The following NAALADL2 variants were observed in gnomAD, a reference collection of about 807,000 sequenced individuals.
NAALADL2 encodes inactive N-acetylated-alpha-linked acidic dipeptidase-like protein 2.
A neutral mutation model predicts 87.2 loss-of-function variants in NAALADL2; 76 were observed. The ratio of observed to expected loss-of-function variants is 0.87; its 90% CI spans 0.72 to 1.05. The LOEUF is 1.05. NAALADL2 is among the 50% of genes least tolerant of loss of function. NAALADL2 has a pLI of 0.00. For missense variants in NAALADL2, 1,089 were observed against 945.8 expected, an observed-to-expected ratio of 1.15 and a Z score of -1.99; for synonymous variants, 354 against 331.0, an observed-to-expected ratio of 1.07 and a Z score of -0.75.
intron 4 of NAALADL2, among the ~76,000 whole-genome samples, chr3:175,294,000 C>T (rs1242996657): frequency 6.6e-6 from 1 of 152,108 alleles, no homozygotes; most frequent in Non-Finnish European, 1.5e-5. Context: ...CACACAGTGC[C>T]AAGCACAGTG....
intron 11 of NAALADL2, among the ~76,000 whole-genome samples, chr3:175,726,058 C>G (rs1472353241): frequency 1.3e-5 from 2 of 151,980 alleles, no homozygotes; most frequent in Non-Finnish European, 2.9e-5. Context: ...TGTGGTCCCT[C>G]TCTAGAAACA....
intron 11 of NAALADL2, among the ~76,000 whole-genome samples, chr3:175,700,036 A>G (rs1435302817): frequency 1.3e-5 from 2 of 152,112 alleles, no homozygotes; most frequent in Non-Finnish European, 2.9e-5. Context: ...AACTTGTCAT[A>G]TTAATTTTCT....
upstream of NAALADL2, among the ~76,000 whole-genome samples, chr3:174,855,474 C>G (rs1697199846): frequency 6.6e-6 from 1 of 152,034 alleles, no homozygotes; most frequent in South Asian, 2.1e-4. Flanking sequence ...TTTCTTATAT[C>G]CTTCTAACTC....
At chr3:174,606,544 G>A (rs1693372321) in intron 2 of NAALADL2, among the ~76,000 whole-genome samples, 1 of 152,342 alleles carries the variant, frequency 6.6e-6, no homozygotes, top group African/African-American at 2.4e-5. Context: ...AGGAGTCGAT[G>A]TGATCAACTG....
Position 175,276,141 on chromosome 3 carries a change from T to TAA in NAALADL2, c.939+19620_939+19621dup, listed in dbSNP as rs11388464. Among the ~76,000 whole-genome samples, 55 of 149,552 alleles carry TAA rather than the reference T, an allele frequency of 3.7e-4. 1 individual carries two copies. The highest frequency in any genetic ancestry group is 2.3e-3 in the South Asian group (11 of 4,764). On this transcript the variant is annotated intron_variant, in intron 4 of 13. Transcript: ENST00000454872. ...AAGTATACATAAGAACATCATGAAGTAAAAAAAAAATTATGATAAAGTACT... is the reference window on the plus strand; with the variant it reads ...AAGTATACATAAGAACATCATGAAGTAAAAAAAAAAAATTATGATAAAGTACT...
chr3:175,047,381 A>T lies in NAALADL2; in HGVS notation c.44-49409A>T, dbSNP rs567717058. On this transcript the variant is annotated intron_variant, in intron 1 of 13. Coordinates refer to ENST00000454872, the MANE Select transcript of NAALADL2 (RefSeq NM_207015.3). The stretch of plus-strand genomic sequence containing the variant: ...TTTTTGTTTAATCATGGACTTTGAT[A>T]TGTAATTTTTTTTAAATTTCTTCTC... Among the ~76,000 whole-genome samples, 12 of 152,264 alleles carry T rather than the reference A, an allele frequency of 7.9e-5. No homozygotes were observed. In the South Asian group the frequency reaches 2.5e-3, roughly 32 times the overall value.
At chr3:174,919,245 C>G (rs1455439534) in intron 1 of NAALADL2, among the ~76,000 whole-genome samples, 1 of 152,018 alleles carries the variant, frequency 6.6e-6, no homozygotes, top group Admixed American at 6.6e-5. Flanking sequence ...CATTCATTGA[C>G]TTCCTTTTAC....
At chr3:174,720,144 T>C (rs553698562) in intron 2 of NAALADL2, among the ~76,000 whole-genome samples, 4 of 152,142 alleles carry the variant, frequency 2.6e-5, no homozygotes, top group African/African-American at 9.7e-5. Flanking sequence ...ATTTGCTTTA[T>C]GAAAGACAAT....
chr3:175,475,239 TG>T (rs1725526006), intron 9 of NAALADL2, among the ~76,000 whole-genome samples: 1 of 152,080 alleles, frequency 6.6e-6, no homozygotes, highest in African/African-American at 2.4e-5. Context: ...TTATTTCCAT[TG>T]ACTCCTTAAA....
chr3:174,587,258 A>T (rs1210900335), intron 2 of NAALADL2, among the ~76,000 whole-genome samples: 1 of 152,062 alleles, frequency 6.6e-6, no homozygotes, highest in African/African-American at 2.4e-5. Flanking sequence ...GTTGGTTCCA[A>T]GTCTTTGCTA....
At chr3:175,203,196 T>G (rs2109174634) in intron 2 of NAALADL2, among the ~76,000 whole-genome samples, 1 of 152,206 alleles carries the variant, frequency 6.6e-6, no homozygotes, top group Middle Eastern at 3.4e-3. Context: ...GGAGATTAAC[T>G]TCTCCCTGTG....
intron 2 of NAALADL2, among the ~76,000 whole-genome samples, chr3:175,129,730 A>T (rs1727519059): frequency 6.6e-6 from 1 of 152,196 alleles, no homozygotes; most frequent in African/African-American, 2.4e-5. Flanking sequence ...GTTGACAGAC[A>T]TTTAGGTCGT....
intron 2 of NAALADL2, among the ~76,000 whole-genome samples, chr3:174,700,245 T>C (rs1328048272): frequency 2.0e-4 from 30 of 148,668 alleles, no homozygotes; most frequent in Admixed American, 1.2e-3. Flanking sequence ...TTTTTTTTTT[T>C]CAGCGTAGAA....
chr3:174,614,373 C>T (rs879437347), intron 2 of NAALADL2, among the ~76,000 whole-genome samples: 5 of 152,228 alleles, frequency 3.3e-5, no homozygotes, highest in Non-Finnish European at 5.9e-5. Flanking sequence ...GTTCCAACCA[C>T]TGGGATGGGT....
At chr3:174,917,903 A>T (rs562308243) in intron 1 of NAALADL2, among the ~76,000 whole-genome samples, 1 of 152,220 alleles carries the variant, frequency 6.6e-6, no homozygotes, top group East Asian at 1.9e-4. Flanking sequence ...CTTGACTGAT[A>T]ATTTACTTTG....
chr3:174,670,846 C>T (rs1046238316), intron 2 of NAALADL2, among the ~76,000 whole-genome samples: 3 of 152,054 alleles, frequency 2.0e-5, no homozygotes, highest in Admixed American at 2.0e-4. Flanking sequence ...ATGTAATTCT[C>T]AGTGCTGGAG....
intron 1 of NAALADL2, among the ~76,000 whole-genome samples, chr3:174,446,451 T>C (rs1445310649): frequency 6.6e-6 from 1 of 152,208 alleles, no homozygotes; most frequent in African/African-American, 2.4e-5. Context: ...AGCTATTATA[T>C]TGGTCAAACC....
At chr3:175,258,542 C>G (rs1007892252) in intron 4 of NAALADL2, among the ~76,000 whole-genome samples, 2 of 151,990 alleles carry the variant, frequency 1.3e-5, no homozygotes, top group African/African-American at 4.8e-5. Flanking sequence ...AGTTAGCTAC[C>G]AAGCATCAAT....
intron 2 of NAALADL2, among the ~76,000 whole-genome samples, chr3:174,712,380 CTTT>C (rs1169827021): frequency 7.1e-5 from 5 of 70,428 alleles, no homozygotes; most frequent in Admixed American, 4.8e-4. Flanking sequence ...TTCTCCTCTT[CTTT>C]TTTTTTTTTT....
Sources: allele counts gnomAD v4.1 joint callset (sites outside exome capture counted in the v4.1 genomes callset), GRCh38; gene constraint gnomAD v4.1.1; transcripts MANE v1.5; gene names NCBI Gene and HGNC (gene_info 2026-07-23, HGNC 2026-07-21).